Variants in ANKRD17 observed in about 807,000 individuals in gnomAD.
ANKRD17 encodes the protein ankyrin repeat domain 17, also known as ankyrin repeat domain-containing protein 17.
ANKRD17 carries 19 observed loss-of-function variants against 229.7 expected under a neutral mutation model. The ratio of observed to expected loss-of-function variants is 0.08; its 90% confidence interval spans 0.06 to 0.12. The LOEUF (loss-of-function observed/expected upper bound fraction) is 0.12, where lower values mean the gene tolerates loss of function less well. Among genes scored for constraint, ANKRD17 ranks in the 10% least tolerant of loss-of-function variants. The probability of loss-of-function intolerance (pLI) is 1.00; values close to 1 mark genes in which losing one functional copy is unlikely to be tolerated. For missense variants in ANKRD17, 2,176 were observed against 3,176.8 expected (o/e 0.68, Z 7.57); for synonymous variants, 1,112 against 1,146.1 (o/e 0.97, Z 0.60).
At chr4:73,099,137 G>C (rs757391254) in intron 25 of ANKRD17, 2 of 709,276 alleles carry the variant, frequency 2.8e-6, no homozygotes, top group South Asian at 2.9e-5. Flanking sequence ...CTCAGAGGAG[G>C]AGCAGTGACC....
intron 1 of ANKRD17, among the ~76,000 whole-genome samples, chr4:73,202,643 CT>C (rs1738832508): frequency 6.6e-6 from 1 of 152,152 alleles, no homozygotes; most frequent in Non-Finnish European, 1.5e-5. Context: ...GAAAGATGAT[CT>C]AACAATGCTT....
At chr4:73,246,558 A>G (rs1293780698) in intron 1 of ANKRD17, among the ~76,000 whole-genome samples, 5 of 152,204 alleles carry the variant, frequency 3.3e-5, no homozygotes, top group African/African-American at 1.2e-4. Context: ...TCTCAAAAAA[A>G]ACAAAGGTTT....
chr4:73,168,642 C>T (rs575582486), intron 2 of ANKRD17, among the ~76,000 whole-genome samples: 3 of 152,240 alleles, frequency 2.0e-5, no homozygotes, highest in Admixed American at 1.3e-4. Context: ...GCTAGAAACA[C>T]GGAATTAGCA....
At chr4:73,146,902 C>T in intron 9 of ANKRD17, 29 bp from the exon 10 acceptor site, 3 of 1,553,252 alleles carry the variant, frequency 1.9e-6, no homozygotes, top group Non-Finnish European at 2.7e-6. Flanking sequence ...AATACATAGA[C>T]TTAATAAAGG....
rs563235569 is a variant in ANKRD17 at position 73,129,467 on chromosome 4, T to C, written c.3235-4155A>G. On this transcript the variant is annotated intron_variant, in intron 16 of 33. Transcript: ENST00000358602. ...TACGCTGGGTACAATGGCTCATGCC[T>C]GTAATCCCAACACTTTGGGAGGCTG... Among the ~76,000 whole-genome samples, 62 of 152,278 alleles carry C rather than the reference T, an allele frequency of 4.1e-4. No individual in the cohort carries two copies. In the South Asian group the frequency reaches 0.013, roughly 31 times the overall value.
intron 30 of ANKRD17, among the ~76,000 whole-genome samples, chr4:73,084,401 A>G (rs1721896035): frequency 6.6e-6 from 1 of 152,148 alleles, no homozygotes; most frequent in African/African-American, 2.4e-5. Flanking sequence ...CCTGTAGTTA[A>G]AAAACACATG....
At chr4:73,081,051 C>T (rs996032389) in intron 30 of ANKRD17, among the ~76,000 whole-genome samples, 1 of 152,198 alleles carries the variant, frequency 6.6e-6, no homozygotes, top group Non-Finnish European at 1.5e-5. Context: ...TAGTTTTTAT[C>T]AGATGACCCT....
intron 25 of ANKRD17, chr4:73,100,792 T>A (rs985710384): frequency 2.1e-6 from 2 of 966,056 alleles, no homozygotes; most frequent in African/African-American, 3.5e-5. Flanking sequence ...TTGAAAATTT[T>A]CAAAATAAAA....
Position 73,142,403 on chromosome 4 carries a change from G to T in ANKRD17, c.2086-18C>A, listed in dbSNP as rs1425245485. The T allele has an allele frequency of 6.3e-7, 1 of 1,585,558 alleles. No individual in the cohort carries two copies. The highest frequency in any genetic ancestry group is 8.5e-7 in the Non-Finnish European group (1 of 1,173,618). On this transcript the variant is annotated intron_variant, in intron 12 of 33. Transcript: ENST00000358602. Reference sequence around the variant, plus strand: ...GAGCCATCCTAAAAGAGTGAATATGGAAGGGGAAAAAAAGTGAAGAAAAAT... The same window carrying T: ...GAGCCATCCTAAAAGAGTGAATATGTAAGGGGAAAAAAAGTGAAGAAAAAT...
intron 1 of ANKRD17, among the ~76,000 whole-genome samples, chr4:73,223,569 G>C (rs1279324190): frequency 6.6e-6 from 1 of 152,138 alleles, no homozygotes; most frequent in Non-Finnish European, 1.5e-5. Context: ...TCCTAATGTA[G>C]ATTTTTTAAT....
chr4:73,102,686 G>T, intron 24 of ANKRD17, 139 bp from the exon 25 acceptor site: 1 of 969,958 alleles, frequency 1.0e-6, no homozygotes, highest in Non-Finnish European at 1.5e-6. Context: ...GTTTTATCAA[G>T]ATCATATTCA....
At position 73,136,271 on chromosome 4, in the gene ANKRD17, T is replaced by C. The variant is rs1728883976; in HGVS notation, c.3086-1006A>G. On this transcript the variant is annotated intron_variant, in intron 15 of 33. Coordinates refer to ENST00000358602, the MANE Select transcript of ANKRD17 (RefSeq NM_032217.5). ...TGACTGGTCAACAGTACTGTGGATG[T>C]GTATTACCAAAGTAGTTATCAACTA... is the stretch of plus-strand genomic sequence containing the variant. Among the ~76,000 whole-genome samples, 3 of 152,178 alleles carry C rather than the reference T, an allele frequency of 2.0e-5. No homozygotes were observed. The South Asian group carries it at 6.2e-4, about 32-fold the overall frequency.
At chr4:73,152,534 C>T (rs1486212708) in intron 6 of ANKRD17, among the ~76,000 whole-genome samples, 2 of 152,046 alleles carry the variant, frequency 1.3e-5, no homozygotes, top group Non-Finnish European at 2.9e-5. Flanking sequence ...CAGAGATGTT[C>T]TCCACCAGCT....
At chr4:73,207,459 T>A (rs369010262) in intron 1 of ANKRD17, among the ~76,000 whole-genome samples, 2 of 152,124 alleles carry the variant, frequency 1.3e-5, no homozygotes, top group East Asian at 1.9e-4. Flanking sequence ...GGATTAAATA[T>A]ACTAATTAAA....
chr4:73,242,116 T>C (rs965002616), intron 1 of ANKRD17, among the ~76,000 whole-genome samples: 5 of 152,116 alleles, frequency 3.3e-5, no homozygotes, highest in Non-Finnish European at 5.9e-5. Flanking sequence ...ACATTCAACA[T>C]TTTGGGGGTG....
chr4:73,127,211 A>C (rs933495631), intron 16 of ANKRD17, among the ~76,000 whole-genome samples: 1 of 152,124 alleles, frequency 6.6e-6, no homozygotes, highest in African/African-American at 2.4e-5. Context: ...TCTGGTGCTA[A>C]AACAGGAAAG....
At chr4:73,094,041 T>A (rs749124246) in intron 28 of ANKRD17, 38 bp downstream of exon 28, 1 of 1,600,786 alleles carries the variant, frequency 6.2e-7, no homozygotes, top group African/African-American at 1.3e-5. Context: ...TATAGTGCAA[T>A]AAAATAAAGG....
chr4:73,206,176 G>T (rs1427743933), intron 1 of ANKRD17, among the ~76,000 whole-genome samples: 1 of 152,024 alleles, frequency 6.6e-6, no homozygotes, highest in Non-Finnish European at 1.5e-5. Flanking sequence ...ACAGTACAGA[G>T]GTTCCTCAAA....
intron 4 of ANKRD17, 55 bp downstream of exon 4, chr4:73,155,964 A>G: frequency 6.5e-7 from 1 of 1,528,580 alleles, no homozygotes; most frequent in Non-Finnish European, 8.8e-7. Flanking sequence ...TTTCCTTAGT[A>G]AGCAAGCCAG....
Sources: allele counts gnomAD v4.1 joint callset (sites outside exome capture counted in the v4.1 genomes callset), GRCh38; gene constraint gnomAD v4.1.1; transcripts MANE v1.5; gene names NCBI Gene and HGNC (gene_info 2026-07-23, HGNC 2026-07-21).